The following ESR1 variants were observed in gnomAD, a reference collection of about 807,000 sequenced individuals.
ESR1 encodes estrogen receptor 1.
In ESR1, 12 loss-of-function variants were observed where a neutral mutation model predicts 52.7. The ratio of observed to expected loss-of-function variants is 0.23; its 90% CI spans 0.15 to 0.37. The LOEUF (loss-of-function observed/expected upper bound fraction) is 0.37, where lower values mean the gene tolerates loss of function less well. ESR1 is among the 10% of genes least tolerant of loss of function. The probability of loss-of-function intolerance (pLI) is 1.00; values close to 1 mark genes in which losing one functional copy is unlikely to be tolerated. For synonymous variants in ESR1, 305 were observed against 316.8 expected (o/e 0.96, Z 0.39); for missense variants, 584 against 779.7 (o/e 0.75, Z 2.99).
intron 3 of ESR1, among the ~76,000 whole-genome samples, chr6:151,908,886 T>C (rs2128428098): frequency 6.6e-6 from 1 of 152,224 alleles, no homozygotes; most frequent in South Asian, 2.1e-4. Context: ...ATTTTTTTTT[T>C]TTTTCATAGC....
At position 151,988,401 on chromosome 6, in the gene ESR1, A is replaced by G. The variant is rs762345832; in HGVS notation, c.1097-23255A>G. Among the ~76,000 whole-genome samples the G allele has an allele frequency of 9.9e-5, 15 of 152,126 alleles. 1 individual carries two copies. The highest frequency in any genetic ancestry group is 5.9e-4 in the Admixed American group (9 of 15,276). On this transcript the variant is annotated intron_variant, in intron 4 of 7. Transcript: ENST00000206249. ...ATCTGACAGGAGGTGGAGCTCAGGCAGTAATGCGAGCAATGGGAGTGGCTG... is the reference window on the plus strand; with the variant it reads ...ATCTGACAGGAGGTGGAGCTCAGGCGGTAATGCGAGCAATGGGAGTGGCTG...
At chr6:151,795,258 G>C (rs1341765036) in intron 2 of ESR1, among the ~76,000 whole-genome samples, 2 of 151,752 alleles carry the variant, frequency 1.3e-5, no homozygotes, top group Non-Finnish European at 2.9e-5. Context: ...AGGCTGAGGT[G>C]GGGGGATCAC....
At chr6:151,715,859 T>C (rs1780992500) in intron 2 of ESR1, among the ~76,000 whole-genome samples, 1 of 152,182 alleles carries the variant, frequency 6.6e-6, no homozygotes, top group Non-Finnish European at 1.5e-5. Flanking sequence ...TCATTCTCCA[T>C]CCAATTTTGT....
intron 4 of ESR1, among the ~76,000 whole-genome samples, chr6:151,989,249 CT>C (rs1287982182): frequency 6.6e-6 from 1 of 152,116 alleles, no homozygotes; most frequent in Non-Finnish European, 1.5e-5. Context: ...TATTCTCTCT[CT>C]CTTGTAAGTA....
intron 3 of ESR1, among the ~76,000 whole-genome samples, chr6:151,938,402 CTG>C (rs1232625980): frequency 1.3e-5 from 2 of 152,166 alleles, no homozygotes; most frequent in African/African-American, 4.8e-5. Flanking sequence ...ATTAAACAAA[CTG>C]TGAAGTAATT....
chr6:151,827,057 C>T (rs543798243), intron 1 of ESR1, among the ~76,000 whole-genome samples: 2 of 152,030 alleles, frequency 1.3e-5, no homozygotes, highest in South Asian at 4.2e-4. Context: ...GGCATGGTGA[C>T]TCACACCTGT....
intron 1 of ESR1, among the ~76,000 whole-genome samples, chr6:151,830,444 C>G (rs1245774081): frequency 6.6e-6 from 1 of 152,154 alleles, no homozygotes; most frequent in Non-Finnish European, 1.5e-5. Flanking sequence ...GCTATGCTTT[C>G]TGAGGAAATT....
intron 5 of ESR1, among the ~76,000 whole-genome samples, chr6:152,015,777 C>A (rs190899362): frequency 6.6e-6 from 1 of 152,114 alleles, no homozygotes; most frequent in African/African-American, 2.4e-5. Flanking sequence ...AATCTATAAG[C>A]GCATTTGGCG....
chr6:152,044,477 A>G (rs944740052), intron 5 of ESR1, among the ~76,000 whole-genome samples: 7 of 152,220 alleles, frequency 4.6e-5, no homozygotes, highest in Admixed American at 6.5e-5. Context: ...TGACTCACAC[A>G]ATCACAAGGT....
At chr6:152,085,136 T>G (rs2049593552) in intron 6 of ESR1, among the ~76,000 whole-genome samples, 1 of 152,082 alleles carries the variant, frequency 6.6e-6, no homozygotes, top group African/African-American at 2.4e-5. Flanking sequence ...CTGAAGTGTC[T>G]GGCATAGATG....
At chr6:151,727,592 T>C (rs1781941616) in intron 2 of ESR1, among the ~76,000 whole-genome samples, 1 of 152,172 alleles carries the variant, frequency 6.6e-6, no homozygotes, top group African/African-American at 2.4e-5. Flanking sequence ...GAAAAGTAGA[T>C]GAATCAGACT....
intron 4 of ESR1, among the ~76,000 whole-genome samples, chr6:151,945,588 A>C (rs1363343344): frequency 6.6e-6 from 1 of 152,228 alleles, no homozygotes; most frequent in Admixed American, 6.5e-5. Flanking sequence ...AGATAAACCG[A>C]GGCAAGAAGA....
intron 2 of ESR1, among the ~76,000 whole-genome samples, chr6:151,711,917 T>C (rs1054292882): frequency 1.3e-5 from 2 of 152,216 alleles, no homozygotes; most frequent in African/African-American, 2.4e-5. Context: ...CATGAAGTCT[T>C]TGTCCATGCC....
chr6:151,748,225 A>G (rs945928396), intron 2 of ESR1, among the ~76,000 whole-genome samples: 4 of 152,216 alleles, frequency 2.6e-5, no homozygotes, highest in Admixed American at 2.6e-4. Context: ...AAACATGCAG[A>G]AAGTATTCTT....
intron 3 of ESR1, among the ~76,000 whole-genome samples, chr6:151,884,754 A>G (rs1455500322): frequency 6.6e-6 from 1 of 152,208 alleles, no homozygotes; most frequent in Non-Finnish European, 1.5e-5. Context: ...TTTCTATCCT[A>G]GTACATGTGC....
chr6:152,014,496 A>G (rs1213645412), intron 5 of ESR1, among the ~76,000 whole-genome samples: 1 of 151,682 alleles, frequency 6.6e-6, no homozygotes, highest in Non-Finnish European at 1.5e-5. Context: ...TCTAAACTGC[A>G]CACTCACTTT....
chr6:151,680,202 CTCTTT>C (rs941385853), intron 1 of ESR1, among the ~76,000 whole-genome samples: 1 of 124,578 alleles, frequency 8.0e-6, no homozygotes, highest in Non-Finnish European at 1.7e-5. Context: ...TTTTTCTTTT[CTCTTT>C]TTTTTTTTTT....
At chr6:151,909,431 A>T (rs1278635896) in intron 3 of ESR1, among the ~76,000 whole-genome samples, 2 of 152,164 alleles carry the variant, frequency 1.3e-5, no homozygotes, top group African/African-American at 2.4e-5. Context: ...GATGAGAATA[A>T]CAGAACTGGC....
At chr6:152,070,298 C>T (rs529112832) in intron 6 of ESR1, among the ~76,000 whole-genome samples, 1 of 137,360 alleles carries the variant, frequency 7.3e-6, no homozygotes, top group South Asian at 2.3e-4. Context: ...TTGGAAAGGC[C>T]ATAGGTGCCC....
Sources: allele counts gnomAD v4.1 joint callset (sites outside exome capture counted in the v4.1 genomes callset), GRCh38; gene constraint gnomAD v4.1.1; transcripts MANE v1.5; gene names NCBI Gene and HGNC (gene_info 2026-07-23, HGNC 2026-07-21).